The following GALNTL6 variants were observed in gnomAD, a reference collection of about 807,000 sequenced individuals.
GALNTL6 encodes polypeptide N-acetylgalactosaminyltransferase like 6, also known as polypeptide N-acetylgalactosaminyltransferase-like 6.
A neutral mutation model predicts 73.7 loss-of-function variants in GALNTL6; 46 were observed. The ratio of observed to expected loss-of-function variants is 0.62; its 90% CI spans 0.49 to 0.80. The LOEUF is 0.80. Among genes scored for constraint, GALNTL6 ranks in the 30% least tolerant of loss-of-function variants. The probability of loss-of-function intolerance (pLI) is 0.00; values close to 1 mark genes in which losing one functional copy is unlikely to be tolerated. For missense variants in GALNTL6, 604 were observed against 755.0 expected (o/e 0.80, Z 2.34); for synonymous variants, 259 against 263.7 (o/e 0.98, Z 0.17).
intron 7 of GALNTL6, among the ~76,000 whole-genome samples, chr4:172,878,136 A>T (rs1315940491): frequency 2.6e-5 from 4 of 152,000 alleles, no homozygotes; most frequent in African/African-American, 9.7e-5. Flanking sequence ...AATGTGACAC[A>T]TTAAAATCTT....
chr4:172,482,089 C>T (rs1013945676), intron 5 of GALNTL6, among the ~76,000 whole-genome samples: 18 of 152,320 alleles, frequency 1.2e-4, no homozygotes, highest in African/African-American at 2.9e-4. Context: ...GGGGACCCGG[C>T]GCCCCCTCCA....
intron 2 of GALNTL6, among the ~76,000 whole-genome samples, chr4:171,989,040 G>C (rs186345706): frequency 9.2e-5 from 14 of 152,180 alleles, no homozygotes; most frequent in Middle Eastern, 3.4e-3. Flanking sequence ...AACTAAAAAG[G>C]AGTGCTTAAA....
chr4:172,778,405 G>T (rs1009918330), intron 5 of GALNTL6, among the ~76,000 whole-genome samples: 53 of 152,344 alleles, frequency 3.5e-4, no homozygotes, highest in African/African-American at 1.2e-3. Context: ...TAAGTCTGGA[G>T]CTGGAATAAG....
chr4:172,208,960 A>T (rs1055334416), intron 2 of GALNTL6, among the ~76,000 whole-genome samples: 2 of 152,150 alleles, frequency 1.3e-5, no homozygotes, highest in African/African-American at 4.8e-5. Context: ...TCAAGCATAA[A>T]TAATTGCACA....
At chr4:172,847,445 T>G (rs1205867626) in intron 7 of GALNTL6, among the ~76,000 whole-genome samples, 1 of 152,136 alleles carries the variant, frequency 6.6e-6, no homozygotes, top group Non-Finnish European at 1.5e-5. Context: ...TCAATTTTTT[T>G]GTAAACAGAA....
At chr4:172,338,231 G>A (rs180865207) in intron 4 of GALNTL6, among the ~76,000 whole-genome samples, 91 of 152,026 alleles carry the variant, frequency 6.0e-4, no homozygotes, top group African/African-American at 1.7e-3. Flanking sequence ...CATCTTCCTT[G>A]CAATCCAATT....
chr4:172,887,548 ATTT>A (rs1745789827), intron 8 of GALNTL6, among the ~76,000 whole-genome samples: 1 of 139,782 alleles, frequency 7.2e-6, no homozygotes, highest in Non-Finnish European at 1.6e-5. Context: ...TTATTTATTT[ATTT>A]ATTTATTTAT....
intron 10 of GALNTL6, among the ~76,000 whole-genome samples, chr4:172,955,179 ATTTTT>A (rs747651724): frequency 2.6e-5 from 4 of 152,194 alleles, no homozygotes; most frequent in Non-Finnish European, 4.4e-5. Flanking sequence ...GGGTAATAAT[ATTTTT>A]AAGAGTGGCT....
At chr4:171,900,087 A>G (rs985339786) in intron 2 of GALNTL6, among the ~76,000 whole-genome samples, 3 of 152,184 alleles carry the variant, frequency 2.0e-5, no homozygotes, top group Admixed American at 6.5e-5. Context: ...CAAAACAATA[A>G]TTATTGAATA....
intron 4 of GALNTL6, among the ~76,000 whole-genome samples, chr4:172,339,257 C>CCA (rs70941402): frequency 0.024 from 2,857 of 120,908 alleles, 77 homozygotes; most frequent in African/African-American, 0.045. Flanking sequence ...CACACACACA[C>CCA]CACACACACA....
chr4:173,012,431 C>G (rs1752597078), intron 11 of GALNTL6, among the ~76,000 whole-genome samples: 1 of 152,208 alleles, frequency 6.6e-6, no homozygotes, highest in Non-Finnish European at 1.5e-5. Flanking sequence ...ACAATACAAT[C>G]CAGAGATGTT....
chr4:172,293,174 C>G (rs1393431913), intron 3 of GALNTL6, among the ~76,000 whole-genome samples: 1 of 152,108 alleles, frequency 6.6e-6, no homozygotes, highest in South Asian at 2.1e-4. Flanking sequence ...CCACATTGGC[C>G]TTGATGAAGA....
intron 2 of GALNTL6, among the ~76,000 whole-genome samples, chr4:171,942,566 T>C (rs1350844235): frequency 6.6e-6 from 1 of 152,196 alleles, no homozygotes; most frequent in Non-Finnish European, 1.5e-5. Flanking sequence ...CCTAAGTCTG[T>C]TTATGATTCA....
chr4:172,413,602 G>A, intron 5 of GALNTL6, among the ~76,000 whole-genome samples: 1 of 151,006 alleles, frequency 6.6e-6, no homozygotes, highest in Non-Finnish European at 1.5e-5. Flanking sequence ...AAAATTGTAT[G>A]TGCTAGTAAC....
intron 10 of GALNTL6, among the ~76,000 whole-genome samples, chr4:172,986,863 G>A (rs920754658): frequency 6.6e-6 from 1 of 152,214 alleles, no homozygotes; most frequent in Non-Finnish European, 1.5e-5. Flanking sequence ...GCTTTAGCTT[G>A]TAGGGCCTCA....
intron 5 of GALNTL6, among the ~76,000 whole-genome samples, chr4:172,685,315 A>T (rs1732853555): frequency 6.6e-6 from 1 of 152,144 alleles, no homozygotes; most frequent in Non-Finnish European, 1.5e-5. Flanking sequence ...TTCATTTTTC[A>T]TGGGCTTTTC....
chr4:172,884,167 C>G (rs1745598590), intron 8 of GALNTL6, among the ~76,000 whole-genome samples: 1 of 152,062 alleles, frequency 6.6e-6, no homozygotes, highest in South Asian at 2.1e-4. Flanking sequence ...TATGGTAGTT[C>G]TATTTTAGTA....
chr4:171,828,067 T>C (rs1480430718), intron 2 of GALNTL6, among the ~76,000 whole-genome samples: 1 of 152,176 alleles, frequency 6.6e-6, no homozygotes, highest in Admixed American at 6.5e-5. Flanking sequence ...CAAGTTATAA[T>C]ACACTTACAG....
At chr4:171,839,767 G>A (rs1394710873) in intron 2 of GALNTL6, among the ~76,000 whole-genome samples, 1 of 151,886 alleles carries the variant, frequency 6.6e-6, no homozygotes, top group Non-Finnish European at 1.5e-5. Flanking sequence ...CAAGCAGAAA[G>A]GTGAAACCCA....
Sources: gnomAD v4.1 joint callset for allele counts (sites outside exome capture counted in the v4.1 genomes callset) on GRCh38, gnomAD v4.1.1 for gene constraint, MANE v1.5 for transcripts, NCBI Gene and HGNC (gene_info 2026-07-23, HGNC 2026-07-21) for gene names.